The following CLIC5 variants were observed in gnomAD, a reference collection of about 807,000 sequenced individuals.
CLIC5 encodes the protein chloride intracellular channel protein 5.
Under a neutral mutation model 24.7 loss-of-function variants are expected in CLIC5, and 20 were observed. The observed-to-expected ratio is 0.81, with a 90% CI of 0.57 to 1.18. CLIC5 has a LOEUF of 1.18. Among genes scored for constraint, CLIC5 ranks in the 50% most tolerant of loss-of-function variants. The probability of loss-of-function intolerance (pLI) is 0.00; values close to 1 mark genes in which losing one functional copy is unlikely to be tolerated. For synonymous variants in CLIC5, 159 were observed against 135.6 expected, an observed-to-expected ratio of 1.17 and a Z score of -1.20; for missense variants, 341 against 326.1, an observed-to-expected ratio of 1.05 and a Z score of -0.35.
At chr6:46,071,392 T>C (rs1762591401) in intron 1 of CLIC5, among the ~76,000 whole-genome samples, 1 of 151,704 alleles carries the variant, frequency 6.6e-6, no homozygotes, top group African/African-American at 2.4e-5. Context: ...TTAACAAATT[T>C]ACAAGAAAAA....
chr6:46,055,022 A>G (rs544624114), intron 1 of CLIC5, among the ~76,000 whole-genome samples: 2 of 152,210 alleles, frequency 1.3e-5, no homozygotes, highest in African/African-American at 2.4e-5. Flanking sequence ...CCTTTTCTGT[A>G]AACTTTTCTC....
chr6:45,925,695 T>G (rs1763456912), intron 4 of CLIC5, among the ~76,000 whole-genome samples: 3 of 152,186 alleles, frequency 2.0e-5, no homozygotes, highest in African/African-American at 7.2e-5. Context: ...AGCCGTTCAG[T>G]GGGGTTTGAG....
At chr6:45,987,387 A>C (rs556926342) in intron 1 of CLIC5, among the ~76,000 whole-genome samples, 1 of 152,322 alleles carries the variant, frequency 6.6e-6, no homozygotes, top group Non-Finnish European at 1.5e-5. Flanking sequence ...CATGTTGTAC[A>C]CATGTCTATA....
chr6:45,984,772 A>G (rs1308677445), intron 1 of CLIC5, among the ~76,000 whole-genome samples: 1 of 152,120 alleles, frequency 6.6e-6, no homozygotes, highest in Non-Finnish European at 1.5e-5. Flanking sequence ...ATTCAAAATC[A>G]CTAATGAAGA....
At chr6:45,964,797 T>A (rs1176584309) in intron 1 of CLIC5, among the ~76,000 whole-genome samples, 1 of 152,234 alleles carries the variant, frequency 6.6e-6, no homozygotes, top group African/African-American at 2.4e-5. Context: ...ATAAATGTTG[T>A]TATTGTTTAA....
intron 1 of CLIC5, chr6:46,079,650 A>G: frequency 2.1e-6 from 3 of 1,432,656 alleles, no homozygotes; most frequent in Non-Finnish European, 2.8e-6. Flanking sequence ...AAAATAAAAC[A>G]CCAGCCATAA....
chr6:45,947,805 T>C (rs966918534), intron 3 of CLIC5, among the ~76,000 whole-genome samples: 1 of 151,932 alleles, frequency 6.6e-6, no homozygotes, highest in African/African-American at 2.4e-5. Context: ...TCTTCAGAGA[T>C]GTGTGTGTGT....
At chr6:46,091,460 G>A in the CLIC5 span, among the ~76,000 whole-genome samples, 1 of 152,174 alleles carries the variant, frequency 6.6e-6, no homozygotes, top group Non-Finnish European at 1.5e-5. Flanking sequence ...ACAGGGCTTA[G>A]CATGGTGGCT....
intron 1 of CLIC5, among the ~76,000 whole-genome samples, chr6:46,021,088 C>CAAA (rs61574485): frequency 2.9e-4 from 21 of 71,878 alleles, no homozygotes; most frequent in East Asian, 5.0e-4. Flanking sequence ...TTTTACAACT[C>CAAA]AAAAAAAAAA....
intron 1 of CLIC5, among the ~76,000 whole-genome samples, chr6:46,028,651 G>C (rs894439386): frequency 6.8e-6 from 1 of 147,826 alleles, no homozygotes; most frequent in African/African-American, 2.4e-5. Context: ...ATTAGACTTT[G>C]TTTTTATAAC....
At chr6:45,938,066 A>G (rs1764002383) in intron 4 of CLIC5, among the ~76,000 whole-genome samples, 1 of 152,212 alleles carries the variant, frequency 6.6e-6, no homozygotes, top group Non-Finnish European at 1.5e-5. Flanking sequence ...AAAATACAAG[A>G]GAAACCCTCT....
chr6:46,003,138 T>C (rs950355521), intron 1 of CLIC5, among the ~76,000 whole-genome samples: 1 of 152,202 alleles, frequency 6.6e-6, no homozygotes, highest in Non-Finnish European at 1.5e-5. Context: ...ACCTACTCCA[T>C]GGAATTCAAG....
chr6:46,006,471 C>G (rs896544185), intron 1 of CLIC5, among the ~76,000 whole-genome samples: 5 of 151,776 alleles, frequency 3.3e-5, no homozygotes, highest in Admixed American at 2.6e-4. Flanking sequence ...TCTGCCTTCC[C>G]AATATCCATT....
chr6:46,077,588 G>T (rs1278229418), intron 1 of CLIC5, among the ~76,000 whole-genome samples: 1 of 152,044 alleles, frequency 6.6e-6, no homozygotes, highest in African/African-American at 2.4e-5. Flanking sequence ...CATTGGGTAA[G>T]GAACTTCAGT....
At chr6:46,013,442 G>A (rs1004813384) in intron 1 of CLIC5, among the ~76,000 whole-genome samples, 2 of 152,150 alleles carry the variant, frequency 1.3e-5, no homozygotes, top group African/African-American at 4.8e-5. Flanking sequence ...AATGAGAACT[G>A]CTAACCTGAA....
intron 1 of CLIC5, among the ~76,000 whole-genome samples, chr6:45,998,969 G>A (rs1157111531): frequency 6.6e-6 from 1 of 152,160 alleles, no homozygotes; most frequent in South Asian, 2.1e-4. Context: ...AGCCTTTAAG[G>A]TCTAAGACAT....
At chr6:45,993,137 T>G (rs1766002559) in intron 1 of CLIC5, among the ~76,000 whole-genome samples, 1 of 152,230 alleles carries the variant, frequency 6.6e-6, no homozygotes, top group African/African-American at 2.4e-5. Context: ...ACACTGGGCA[T>G]GACCTGTTTT....
At chr6:46,024,993 G>A (rs2127452259) in intron 1 of CLIC5, among the ~76,000 whole-genome samples, 1 of 148,846 alleles carries the variant, frequency 6.7e-6, no homozygotes, top group African/African-American at 2.5e-5. Flanking sequence ...ATCATACATG[G>A]TACAGAATAA....
At chr6:46,002,067 G>A (rs1561996023) in intron 1 of CLIC5, among the ~76,000 whole-genome samples, 1 of 152,078 alleles carries the variant, frequency 6.6e-6, no homozygotes, top group Non-Finnish European at 1.5e-5. Flanking sequence ...TCTGCTTTCA[G>A]TCTTCTATGT....
Sources: allele counts gnomAD v4.1 joint callset (sites outside exome capture counted in the v4.1 genomes callset), GRCh38; gene constraint gnomAD v4.1.1; transcripts MANE v1.5; gene names NCBI Gene and HGNC (gene_info 2026-07-23, HGNC 2026-07-21).